Variants in HGS observed in about 807,000 individuals in gnomAD.
The protein encoded by HGS is hepatocyte growth factor-regulated tyrosine kinase substrate.
A neutral mutation model predicts 109.7 loss-of-function variants in HGS; 63 were observed. The ratio of observed to expected loss-of-function variants is 0.57; its 90% CI spans 0.47 to 0.71. The LOEUF (loss-of-function observed/expected upper bound fraction) is 0.71. Among genes scored for constraint, HGS ranks in the 30% least tolerant of loss-of-function variants. HGS has a pLI of 0.00. For synonymous variants in HGS, 546 were observed against 437.3 expected (o/e 1.25, Z -3.10); for missense variants, 995 against 1,068.3 (o/e 0.93, Z 0.96).
In HGS at chr17:81,691,402, G is replaced by T. The variant is rs756868059; in HGVS notation, c.538-45G>T. 5 of 1,610,726 alleles carry T rather than the reference G, an allele frequency of 3.1e-6. No homozygotes were observed. The South Asian group carries it at 5.5e-5, about 18-fold the overall frequency. Reference sequence around the variant, plus strand: ...GGTTCTGGGCCGGGTGGCGCATCAGGGTCCCCCAGTGCCTGTGACCAGGCC... The same window carrying T: ...GGTTCTGGGCCGGGTGGCGCATCAGTGTCCCCCAGTGCCTGTGACCAGGCC... On this transcript the variant is annotated intron_variant, in intron 7 of 21. Transcript: ENST00000329138. This position sits in a 1 kb window ranked among gnomAD's most constrained non-coding sequence, Gnocchi z 5.3.
intron 1 of HGS, 166 bp downstream of exon 1, chr17:81,684,269 G>C (rs1429500304): frequency 5.4e-6 from 3 of 553,758 alleles, no homozygotes; most frequent in Non-Finnish European, 8.2e-6. Flanking sequence ...CTGGACCCTC[G>C]GCGCGGCCGT....
Position 81,693,675 on chromosome 17 carries a change from A to G in HGS, c.763A>G (p.Thr255Ala). 6.4e-7 allele frequency: 1 copy of G among 1,553,784 alleles called. No homozygotes were observed. ...QSQLPPKRDE[T>A]ALQEEEELQL... is the part of the protein sequence containing the mutation. ...TCAGCTGCCCCCCAAGAGGGACGAG[A>G]CGGCCCTGCAGGAGGAGGAGGAGCT... Residue 255 changes from threonine (T) to alanine (A), a missense_variant, in exon 10 of 22, where the codon ACG becomes GCG. Thr to Ala is a moderately conservative substitution (Grantham distance 58, BLOSUM62 0). Around this residue, in one of 6 missense-constraint regions of HGS, gnomAD observed 300 missense variants for 235.4 expected, o/e 1.27. Coordinates refer to ENST00000329138, the MANE Select transcript of HGS (RefSeq NM_004712.5).
Position 81,688,769 on chromosome 17 carries a change from C to T in HGS, c.357C>T (p.Phe119=). 2 of 1,614,142 alleles carry T rather than the reference C, an allele frequency of 1.2e-6. No individual in the cohort carries two copies. Among genetic ancestry groups the T allele is most frequent in the Non-Finnish European group, 1.7e-6 (2 of 1,180,000 alleles). The change falls in exon 5 of 22, where the codon TTC becomes TTT. Residue 119 remains phenylalanine (F), a synonymous_variant. Coordinates refer to ENST00000329138, the MANE Select transcript of HGS (RefSeq NM_004712.5). The part of the protein sequence containing the change: ...LYLIQAWAHA[F]RNEPKYKVVQ... ...TGATCCAGGCCTGGGCGCATGCCTTCCGGAACGAGCCCAAGTACAAGGTGG... is the reference window on the plus strand; with the variant it reads ...TGATCCAGGCCTGGGCGCATGCCTTTCGGAACGAGCCCAAGTACAAGGTGG...
chr17:81,693,658 C>A lies in HGS; in HGVS notation c.746C>A (p.Pro249His), dbSNP rs759713201. Residue 249 changes from proline to histidine, a missense_variant, in exon 10 of 22, where the codon CCC becomes CAC. Physicochemically the swap from Pro to His is moderately conservative, Grantham distance 77. This residue lies in a region of HGS where 300 missense variants were observed against 235.4 expected (regional missense o/e 1.27). Coordinates refer to ENST00000329138, the MANE Select transcript of HGS (RefSeq NM_004712.5). ...TSPLSQQSQLPPKRDETALQE... is the reference protein window; with the variant it reads ...TSPLSQQSQLHPKRDETALQE... Reference sequence around the variant, plus strand: ...ACCCTCCCCGCTTGTCCTCAGCTGCCCCCCAAGAGGGACGAGACGGCCCTG... The same window carrying A: ...ACCCTCCCCGCTTGTCCTCAGCTGCACCCCAAGAGGGACGAGACGGCCCTG... 3.2e-6 allele frequency: 5 copies of A among 1,549,528 alleles called. No individual in the cohort carries two copies. The highest frequency in any genetic ancestry group is 2.0e-5 in the Admixed American group (1 of 50,872).
At chr17:81,686,660 C>T (rs1386429562) in intron 3 of HGS, among the ~76,000 whole-genome samples, 1 of 152,266 alleles carries the variant, frequency 6.6e-6, no homozygotes, top group African/African-American at 2.4e-5. Context: ...CATTGCTGTG[C>T]TTGGCAGTGA....
At chr17:81,685,958 C>A (rs1465689620) in intron 2 of HGS, among the ~76,000 whole-genome samples, 1 of 151,940 alleles carries the variant, frequency 6.6e-6, no homozygotes. Flanking sequence ...TAAGACGGGG[C>A]CTTGCTTTGT....
rs1416126056 is a variant in HGS at position 81,690,334 on chromosome 17, C to T, written c.468+100C>T. ...GCTTGTTTGAGGGTTGGTGGCTGAG[C>T]TCTCGTCTGTCTGGGACCTGAGGAT... is the stretch of plus-strand genomic sequence containing the variant. On this transcript the variant is annotated intron_variant, in intron 6 of 21. Transcript: ENST00000329138. 2.7e-5 allele frequency: 33 copies of T among 1,243,100 alleles called. No homozygotes were observed. The Admixed American group carries it at 5.4e-4, about 20-fold the overall frequency. The allele number at this position is 1,243,100 out of a possible 1,614,324, so 77.0% of individuals were successfully genotyped here.
intron 2 of HGS, 80 bp from the exon 3 acceptor site, chr17:81,686,232 C>T: frequency 4.3e-6 from 5 of 1,158,120 alleles, no homozygotes; most frequent in Non-Finnish European, 5.1e-6. Flanking sequence ...CACCTGGCAG[C>T]AGATGAGCTT....
In HGS at chr17:81,688,807, A is replaced by G; in HGVS notation, c.395A>G (p.Tyr132Cys). ...AAGTACAAGGTGGTCCAGGACACCT[A>G]CCAGATCATGAAGGTGGAGGGTGAG... ...EPKYKVVQDT[Y>C]QIMKVEGHVF... is the part of the protein sequence containing the mutation. Residue 132 changes from tyrosine (Y) to cysteine (C), a missense_variant, in exon 5 of 22, where the codon TAC (tyrosine) becomes TGC (cysteine). Around this residue, in one of 6 missense-constraint regions of HGS, gnomAD observed 182 missense variants for 261.3 expected, o/e 0.70. Coordinates refer to ENST00000329138, the MANE Select transcript of HGS (RefSeq NM_004712.5). The G allele has an allele frequency of 6.2e-7, 1 of 1,614,136 alleles. No individual in the cohort carries two copies. Among genetic ancestry groups the G allele is most frequent in the Middle Eastern group, 1.6e-4 (1 of 6,062 alleles).
intron 5 of HGS, among the ~76,000 whole-genome samples, chr17:81,689,065 A>G (rs897314749): frequency 2.0e-5 from 3 of 152,228 alleles, no homozygotes; most frequent in Non-Finnish European, 2.9e-5. Flanking sequence ...GACAACACAC[A>G]GGTGAAAAGG....
At chr17:81,685,269 C>G (rs1190976492) in intron 1 of HGS, among the ~76,000 whole-genome samples, 1 of 152,168 alleles carries the variant, frequency 6.6e-6, no homozygotes, top group Non-Finnish European at 1.5e-5. Context: ...AGCAGCCGAG[C>G]CTGATGTTTA....
At chr17:81,701,387 C>A in intron 21 of HGS, 121 bp from the exon 22 acceptor site, 2 of 1,112,696 alleles carry the variant, frequency 1.8e-6, no homozygotes, top group Non-Finnish European at 2.5e-6. Flanking sequence ...GCTGCATGAG[C>A]TGCAGTCCGT....
chr17:81,690,803 C>G, intron 7 of HGS, 61 bp downstream of exon 7: 1 of 1,465,378 alleles, frequency 6.8e-7, no homozygotes, highest in Non-Finnish European at 9.4e-7. Flanking sequence ...CTGCCGTGCA[C>G]AAGGCCACCG....
intron 4 of HGS, 147 bp from the exon 5 acceptor site, chr17:81,688,557 C>G (rs1449268468): frequency 2.6e-5 from 24 of 927,350 alleles, no homozygotes; most frequent in Non-Finnish European, 3.9e-5. Flanking sequence ...TGGTGCATGG[C>G]CCCCACGCCC....
At chr17:81,685,284 T>C (rs769934169) in intron 1 of HGS, among the ~76,000 whole-genome samples, 2 of 152,044 alleles carry the variant, frequency 1.3e-5, no homozygotes, top group Non-Finnish European at 2.9e-5. Flanking sequence ...TGTTTAAGAG[T>C]GAATCAGCCT....
chr17:81,685,754 G>T, intron 2 of HGS, 65 bp downstream of exon 2: 6 of 1,297,768 alleles, frequency 4.6e-6, no homozygotes, highest in Non-Finnish European at 6.6e-6. Context: ...GGCTCGCTTG[G>T]TGCCCGTTGG....
intron 5 of HGS, 97 bp downstream of exon 5, chr17:81,688,924 T>G: frequency 6.7e-7 from 1 of 1,497,948 alleles, no homozygotes; most frequent in Non-Finnish European, 9.2e-7. Flanking sequence ...GAAGATGGGT[T>G]GTTCCCTGTG....
intron 7 of HGS, 28 bp downstream of exon 7, chr17:81,690,770 GC>G: frequency 6.3e-7 from 1 of 1,598,520 alleles, no homozygotes; most frequent in Non-Finnish European, 8.5e-7. Flanking sequence ...GGGCTCTACA[GC>G]CCCGGCCAGA....
At chr17:81,700,889 G>T in intron 20 of HGS, 75 bp downstream of exon 20, 2 of 1,574,052 alleles carry the variant, frequency 1.3e-6, no homozygotes, top group Non-Finnish European at 1.7e-6. Context: ...CTTTGGTGAG[G>T]CTGGCAGGCA....
Sources: allele counts gnomAD v4.1 joint callset (sites outside exome capture counted in the v4.1 genomes callset), GRCh38; gene constraint gnomAD v4.1.1; regional missense constraint gnomAD v4.1.1; non-coding constraint Gnocchi (gnomAD v3.1); transcripts MANE v1.5; gene names NCBI Gene and HGNC (gene_info 2026-07-23, HGNC 2026-07-21).